The following ARL3 variants were observed in gnomAD, a reference collection of about 807,000 sequenced individuals.
The protein encoded by ARL3 is ADP-ribosylation factor-like protein 3.
ARL3 carries 9 observed loss-of-function variants against 26.0 expected under a neutral mutation model. The ratio of observed to expected loss-of-function variants is 0.35; its 90% CI spans 0.21 to 0.60. The LOEUF (loss-of-function observed/expected upper bound fraction) is 0.60. Ranked by LOEUF, ARL3 falls within the 20% of genes least tolerant of loss-of-function variation. The probability of loss-of-function intolerance (pLI) is 0.78; values close to 1 mark genes in which losing one functional copy is unlikely to be tolerated. For synonymous variants in ARL3, 71 were observed against 78.4 expected (o/e 0.91, Z 0.50); for missense variants, 158 against 215.7 (o/e 0.73, Z 1.67).
At chr10:102,683,764 C>T (rs1241789457) in intron 5 of ARL3, among the ~76,000 whole-genome samples, 1 of 152,136 alleles carries the variant, frequency 6.6e-6, no homozygotes, top group African/African-American at 2.4e-5. Context: ...GGTGGTTACA[C>T]AGCCAGGAGC....
chr10:102,714,163 A>T, intron 1 of ARL3, 110 bp downstream of exon 1: 1 of 1,234,440 alleles, frequency 8.1e-7, no homozygotes, highest in Non-Finnish European at 1.1e-6. Flanking sequence ...TAGCAGGCTG[A>T]GCGACGTCCC....
In ARL3 at chr10:102,673,853, A is replaced by G. The variant is rs912007956; in HGVS notation, c.*3041T>C. The G allele has an allele frequency of 6.6e-6, 1 of 152,338 alleles. No individual in the cohort carries two copies. The highest frequency in any genetic ancestry group is 2.4e-5 in the African/African-American group (1 of 41,462). 9.4% of individuals were successfully genotyped at this position (152,338 alleles called of 1,614,324 possible). A position where few individuals can be genotyped will look rare whatever the true frequency, so the allele number is the denominator to read the frequency against. On this transcript the variant is annotated 3_prime_UTR_variant, in exon 6 of 6. Coordinates refer to ENST00000260746, the MANE Select transcript of ARL3 (RefSeq NM_004311.4). The stretch of plus-strand genomic sequence containing the variant: ...TTATCATTTTCAAAAGGGATTATAA[A>G]AAAAGAACCTTTTGATGGATCAGAC...
chr10:102,702,561 G>C (rs1476747401), intron 2 of ARL3, among the ~76,000 whole-genome samples: 1 of 152,094 alleles, frequency 6.6e-6, no homozygotes, highest in Non-Finnish European at 1.5e-5. Context: ...TCCTAACTTT[G>C]AGTTTATTTC....
intron 1 of ARL3, among the ~76,000 whole-genome samples, chr10:102,708,253 TC>T (rs1308988966): frequency 3.3e-5 from 5 of 152,132 alleles, no homozygotes; most frequent in African/African-American, 1.2e-4. Flanking sequence ...ACAAGAAGTC[TC>T]CCTGGTTTCT....
intron 4 of ARL3, among the ~76,000 whole-genome samples, chr10:102,688,054 A>T (rs2064196850): frequency 6.6e-6 from 1 of 152,164 alleles, no homozygotes; most frequent in African/African-American, 2.4e-5. Context: ...ATTTCATCAA[A>T]CCTACATCCT....
At chr10:102,691,639 A>G (rs2064218078) in intron 3 of ARL3, among the ~76,000 whole-genome samples, 1 of 152,186 alleles carries the variant, frequency 6.6e-6, no homozygotes, top group Non-Finnish European at 1.5e-5. Flanking sequence ...AAGGCTGTAC[A>G]AAAACTGGAG....
At chr10:102,696,089 G>A (rs549110556) in intron 3 of ARL3, among the ~76,000 whole-genome samples, 11 of 149,960 alleles carry the variant, frequency 7.3e-5, no homozygotes, top group African/African-American at 2.2e-4. Context: ...TCAGCCTCCC[G>A]AGCAGCTAGG....
rs187938836 is a variant in ARL3 at position 102,695,789 on chromosome 10, T to G, written c.264+3584A>C. Among the ~76,000 whole-genome samples, 178 of 152,252 alleles carry G rather than the reference T, an allele frequency of 1.2e-3. 1 individual carries two copies. Among genetic ancestry groups the G allele is most frequent in the African/African-American group, 4.1e-3 (171 of 41,556 alleles). The stretch of plus-strand genomic sequence containing the variant: ...GCCTCGGCCTCCCAAAGTGCTGGGA[T>G]TACAGGAATGAGCCATCGCACCAGG... On this transcript the variant is annotated intron_variant, in intron 3 of 5. Transcript: ENST00000260746.
At chr10:102,712,194 C>T (rs2064345843) in intron 1 of ARL3, among the ~76,000 whole-genome samples, 1 of 152,034 alleles carries the variant, frequency 6.6e-6, no homozygotes, top group Admixed American at 6.6e-5. Context: ...GTTTTTGCCA[C>T]AGTTACCCAA....
At chr10:102,711,474 G>C (rs1308262314) in intron 1 of ARL3, among the ~76,000 whole-genome samples, 1 of 151,928 alleles carries the variant, frequency 6.6e-6, no homozygotes, top group African/African-American at 2.4e-5. Context: ...GGAACAGGCC[G>C]GGCGCGGTGG....
At chr10:102,697,209 T>TCG (rs1051822063) in intron 3 of ARL3, among the ~76,000 whole-genome samples, 1 of 151,794 alleles carries the variant, frequency 6.6e-6, no homozygotes, top group Non-Finnish European at 1.5e-5. Context: ...AAAGAGAGTC[T>TCG]CGCTGTGTTG....
At chr10:102,711,336 G>GTA (rs201365195) in intron 1 of ARL3, among the ~76,000 whole-genome samples, 11 of 71,358 alleles carry the variant, frequency 1.5e-4, no homozygotes, top group African/African-American at 8.1e-4. Context: ...GTGTGTGTGT[G>GTA]TATATATATA....
chr10:102,679,672 C>T (rs1190395584), intron 5 of ARL3, among the ~76,000 whole-genome samples: 1 of 152,154 alleles, frequency 6.6e-6, no homozygotes, highest in East Asian at 1.9e-4. Context: ...AAACAGGGGC[C>T]TGAGACTGGA....
intron 3 of ARL3, among the ~76,000 whole-genome samples, chr10:102,695,300 T>A (rs1207225890): frequency 6.6e-6 from 1 of 152,222 alleles, no homozygotes; most frequent in Non-Finnish European, 1.5e-5. Flanking sequence ...ATCTTCTTTA[T>A]GAGTTTTGCA....
At chr10:102,706,445 C>T (rs1341792040) in intron 1 of ARL3, among the ~76,000 whole-genome samples, 8 of 151,282 alleles carry the variant, frequency 5.3e-5, no homozygotes, top group Admixed American at 2.0e-4. Flanking sequence ...AGCAAGACTC[C>T]GTCTCAAAAA....
chr10:102,697,202 G>C (rs997473803), intron 3 of ARL3, among the ~76,000 whole-genome samples: 6 of 148,882 alleles, frequency 4.0e-5, no homozygotes, highest in African/African-American at 1.2e-4. Context: ...TTTTGAGAAA[G>C]AGAGTCTCGC....
intron 4 of ARL3, among the ~76,000 whole-genome samples, 199 bp from the exon 5 acceptor site, chr10:102,686,200 T>G (rs1056212668): frequency 2.0e-5 from 3 of 151,172 alleles, no homozygotes; most frequent in Non-Finnish European, 2.9e-5. Flanking sequence ...ACCTCCTGAG[T>G]AGCTGGGACT....
chr10:102,705,622 C>T, intron 1 of ARL3, 133 bp from the exon 2 acceptor site: 1 of 921,824 alleles, frequency 1.1e-6, no homozygotes, highest in Non-Finnish European at 1.5e-6. Context: ...CATTCTAATG[C>T]CACTTATTCC....
intron 1 of ARL3, among the ~76,000 whole-genome samples, chr10:102,706,546 C>T (rs537863443): frequency 1.5e-4 from 23 of 152,252 alleles, no homozygotes; most frequent in African/African-American, 5.5e-4. Flanking sequence ...AGGATAGGTG[C>T]ATGGTATAGA....
Sources: gnomAD v4.1 joint callset for allele counts (sites outside exome capture counted in the v4.1 genomes callset) on GRCh38, gnomAD v4.1.1 for gene constraint, MANE v1.5 for transcripts, NCBI Gene and HGNC (gene_info 2026-07-23, HGNC 2026-07-21) for gene names.